Variants in TESPA1 observed in about 807,000 individuals in gnomAD.
TESPA1 encodes the protein thymocyte expressed, positive selection associated 1.
TESPA1 carries 33 observed loss-of-function variants against 57.9 expected under a neutral mutation model. The observed-to-expected ratio is 0.57, with a 90% CI of 0.43 to 0.76. TESPA1 has a LOEUF of 0.76. Among genes scored for constraint, TESPA1 ranks in the 30% least tolerant of loss-of-function variants. TESPA1 has a pLI of 0.00. For missense variants in TESPA1, 618 were observed against 632.9 expected (o/e 0.98, Z 0.25); for synonymous variants, 227 against 228.9 (o/e 0.99, Z 0.07).
chr12:54,960,778 T>A (rs957865613), intron 10 of TESPA1, among the ~76,000 whole-genome samples: 2 of 152,194 alleles, frequency 1.3e-5, no homozygotes, highest in Non-Finnish European at 2.9e-5. Context: ...TTCTACACAA[T>A]GTCTCCTGGA....
At chr12:54,964,229 A>G (rs1555203078) in intron 7 of TESPA1, among the ~76,000 whole-genome samples, 1 of 152,256 alleles carries the variant, frequency 6.6e-6, no homozygotes, top group African/African-American at 2.4e-5. Flanking sequence ...TTAAGTAAAT[A>G]TAAAAGGATT....
chr12:54,960,440 A>G lies in TESPA1; in HGVS notation c.*1+728T>C, dbSNP rs1377545859. ...GGGAGAGCTACCTTCATCAGACCAC[A>G]GTTGCAGAAGGGAGCTCAGACCCTA... is the stretch of plus-strand genomic sequence containing the variant. On this transcript the variant is annotated intron_variant, in intron 10 of 10. Coordinates refer to ENST00000449076, the MANE Select transcript of TESPA1 (RefSeq NM_001136030.3). 3.3e-5 allele frequency among the ~76,000 whole-genome samples: 5 copies of G among 152,212 alleles called. No homozygotes were observed. The East Asian group carries it at 5.8e-4, about 18-fold the overall frequency.
chr12:54,949,517 G>A lies in TESPA1; in HGVS notation c.*875C>T, dbSNP rs1378751217. On this transcript the variant is annotated 3_prime_UTR_variant, in exon 11 of 11. Transcript: ENST00000449076. The stretch of plus-strand genomic sequence containing the variant: ...GGGAGAAATGTGTCCAAGATGCTCT[G>A]AAACCACATACTGCCTAAGAGAGCA... 1 of 151,776 alleles carries A rather than the reference G, an allele frequency of 6.6e-6. No individual in the cohort carries two copies. Among genetic ancestry groups the A allele is most frequent in the African/African-American group, 2.4e-5 (1 of 41,258 alleles). 9.4% of individuals were successfully genotyped at this position (151,776 alleles called of 1,614,324 possible). A position where few individuals can be genotyped will look rare whatever the true frequency, so the allele number is the denominator to read the frequency against.
At chr12:54,966,454 A>G in intron 5 of TESPA1, 30 bp from the exon 6 acceptor site, 1 of 1,607,830 alleles carries the variant, frequency 6.2e-7, no homozygotes, top group Non-Finnish European at 8.5e-7. Context: ...GCAAAGAGCA[A>G]ATTAGAAGGG....
chr12:54,970,672 G>T (rs372513501), intron 3 of TESPA1, among the ~76,000 whole-genome samples: 2 of 152,134 alleles, frequency 1.3e-5, no homozygotes, highest in Non-Finnish European at 2.9e-5. Context: ...AATGACCAGG[G>T]ACTAGATGTA....
chr12:54,964,734 G>C (rs1951316127), intron 7 of TESPA1, among the ~76,000 whole-genome samples: 1 of 152,210 alleles, frequency 6.6e-6, no homozygotes, highest in Admixed American at 6.5e-5. Context: ...CTAATAGCTG[G>C]ACGGTCGGAA....
intron 2 of TESPA1, 33 bp downstream of exon 2, chr12:54,974,367 A>C (rs775125527): frequency 6.5e-7 from 1 of 1,538,662 alleles, no homozygotes; most frequent in Non-Finnish European, 8.8e-7. Context: ...GCCGCCAGAC[A>C]ACATAGACGC....
Position 54,976,182 on chromosome 12 carries a change from G to A in TESPA1, c.-45-1575C>T, listed in dbSNP as rs943051283. Among the ~76,000 whole-genome samples, 4 of 152,208 alleles carry A rather than the reference G, an allele frequency of 2.6e-5. No individual in the cohort carries two copies. In the East Asian group the frequency reaches 7.7e-4, roughly 29 times the overall value. ...GAGATAATGTCCATTAAATCGTGAT[G>A]TTTGAAGCTTTCAAACTTACTGACT... On this transcript the variant is annotated intron_variant, in intron 1 of 10. Transcript: ENST00000449076.
rs747038978 is a variant in TESPA1 at position 54,950,307 on chromosome 12, C to T, written c.*85G>A. The T allele has an allele frequency of 1.1e-5, 5 of 456,798 alleles. No individual in the cohort carries two copies. Among genetic ancestry groups the T allele is most frequent in the Admixed American group, 4.7e-5 (2 of 42,560 alleles). The allele number at this position is 456,798 out of a possible 1,614,324, so 28.3% of individuals were successfully genotyped here. On this transcript the variant is annotated 3_prime_UTR_variant, in exon 11 of 11. Coordinates refer to ENST00000449076, the MANE Select transcript of TESPA1 (RefSeq NM_001136030.3). ...TAGGGGCTGGATGTTGAGGGCAGTG[C>T]AGTTTCCTGCAAGAGGTGGCTTTTA...
intron 2 of TESPA1, 105 bp from the exon 3 acceptor site, chr12:54,973,624 T>C: frequency 1.9e-6 from 3 of 1,582,004 alleles, no homozygotes; most frequent in Non-Finnish European, 2.6e-6. Context: ...AGCTGCGTCA[T>C]GAATCTTTTT....
intron 10 of TESPA1, among the ~76,000 whole-genome samples, chr12:54,953,991 T>C (rs1216997937): frequency 6.6e-6 from 1 of 152,246 alleles, no homozygotes; most frequent in East Asian, 1.9e-4. Flanking sequence ...ACATTTCTGC[T>C]TATTCTGTAT....
chr12:54,959,550 G>T (rs1363700778), intron 10 of TESPA1, among the ~76,000 whole-genome samples: 1 of 152,186 alleles, frequency 6.6e-6, no homozygotes, highest in Non-Finnish European at 1.5e-5. Flanking sequence ...TTCTCAGACT[G>T]GTCCATGCTG....
At chr12:54,962,187 C>T (rs1951119763) in intron 9 of TESPA1, among the ~76,000 whole-genome samples, 1 of 152,178 alleles carries the variant, frequency 6.6e-6, no homozygotes. Flanking sequence ...TTAATGGGAA[C>T]ATTAAATGGC....
Position 54,961,239 on chromosome 12 carries a change from C to G in TESPA1, c.1496G>C (p.Ser499Thr), listed in dbSNP as rs1365467267. 6.2e-7 allele frequency: 1 copy of G among 1,613,870 alleles called. No individual in the cohort carries two copies. Among genetic ancestry groups the G allele is most frequent in the Non-Finnish European group, 8.5e-7 (1 of 1,179,884 alleles). Reference sequence around the variant, plus strand: ...GGGTCTGCTGGGCCAGCGACTCTGACTCTGCTCCTCCTCACTGTTGCTTTG... The same window carrying G: ...GGGTCTGCTGGGCCAGCGACTCTGAGTCTGCTCCTCCTCACTGTTGCTTTG... ...EVQSNSEEEQ[S>T]QSRWPSRPRH... The change falls in exon 10 of 11, where the codon AGT becomes ACT. Residue 499 changes from serine (S) to threonine (T), a missense_variant. Physicochemically the swap from Ser to Thr is moderately conservative, Grantham distance 58 (BLOSUM62 1). This residue lies in a region of TESPA1 where 409 missense variants were observed against 420.1 expected (regional missense o/e 0.97). Coordinates refer to ENST00000449076, the MANE Select transcript of TESPA1 (RefSeq NM_001136030.3).
In TESPA1 at chr12:54,963,808, A is replaced by G. The variant is rs1215145633; in HGVS notation, c.589T>C (p.Phe197Leu). 6.2e-7 allele frequency: 1 copy of G among 1,613,992 alleles called. No individual in the cohort carries two copies. Among genetic ancestry groups the G allele is most frequent in the Non-Finnish European group, 8.5e-7 (1 of 1,179,888 alleles). ...TTPSQAKGID[F>L]QLFLKSQVRR... ...ACCTGGGACTTCAGGAAGAGCTGGAAATCAATGCCCTTGGCCTGAGAGGGG... is the reference window on the plus strand; with the variant it reads ...ACCTGGGACTTCAGGAAGAGCTGGAGATCAATGCCCTTGGCCTGAGAGGGG... Residue 197 changes from phenylalanine to leucine, a missense_variant, in exon 8 of 11, where the codon TTC (phenylalanine) becomes CTC (leucine). By Grantham distance (22) the Phe-to-Leu change is conservative (BLOSUM62 0). Around this residue, in one of 3 missense-constraint regions of TESPA1, gnomAD observed 409 missense variants for 420.1 expected, o/e 0.97. Transcript: ENST00000449076.
intron 7 of TESPA1, among the ~76,000 whole-genome samples, chr12:54,965,314 A>T (rs1951355272): frequency 6.6e-6 from 1 of 152,098 alleles, no homozygotes; most frequent in Admixed American, 6.5e-5. Context: ...CCCAGCATGC[A>T]TTAGCTATTT....
chr12:54,963,633 CA>C, intron 8 of TESPA1, 108 bp downstream of exon 8: 1 of 1,219,508 alleles, frequency 8.2e-7, no homozygotes, highest in South Asian at 1.5e-5. Context: ...ACACAATAGG[CA>C]AAGGGTTAAA....
At chr12:54,953,853 T>TA in intron 10 of TESPA1, among the ~76,000 whole-genome samples, 1 of 152,206 alleles carries the variant, frequency 6.6e-6, no homozygotes, top group African/African-American at 2.4e-5. Flanking sequence ...CACACATCGT[T>TA]AAAAAAAGTA....
chr12:54,962,818 A>C lies in TESPA1; in HGVS notation c.1080T>G (p.Cys360Trp). The part of the protein sequence containing the change: ...GKKLPTSPYP[C>W]VFCCEEETQQ... ...GTGTTTCCTCTTCACAGCAGAAGAC[A>C]CATGGATAGGGAGAAGTGGGCAACT... Residue 360 changes from cysteine to tryptophan, a missense_variant, in exon 9 of 11, where the codon TGT (cysteine) becomes TGG (tryptophan). Coordinates refer to ENST00000449076, the MANE Select transcript of TESPA1 (RefSeq NM_001136030.3). The C allele has an allele frequency of 6.2e-7, 1 of 1,613,904 alleles. No homozygotes were observed. The highest frequency in any genetic ancestry group is 8.5e-7 in the Non-Finnish European group (1 of 1,179,856).
Sources: allele counts gnomAD v4.1 joint callset (sites outside exome capture counted in the v4.1 genomes callset), GRCh38; gene constraint gnomAD v4.1.1; regional missense constraint gnomAD v4.1.1; transcripts MANE v1.5; gene names NCBI Gene and HGNC (gene_info 2026-07-23, HGNC 2026-07-21).